PSMC1: variants seen among roughly 807,000 people sequenced by gnomAD.
PSMC1 encodes proteasome 26S subunit, ATPase 1.
Under a neutral mutation model 49.8 loss-of-function variants are expected in PSMC1, and 5 were observed. That is an observed-to-expected ratio of 0.10 (90% CI 0.05 to 0.21). The LOEUF is 0.21. Among genes scored for constraint, PSMC1 ranks in the 10% least tolerant of loss-of-function variants. PSMC1 has a pLI of 1.00. For synonymous variants in PSMC1, 155 were observed against 192.1 expected, an observed-to-expected ratio of 0.81 and a Z score of 1.60; for missense variants, 181 against 535.7, an observed-to-expected ratio of 0.34 and a Z score of 6.54.
chr14:90,258,063 G>GT (rs1014704476), intron 1 of PSMC1, among the ~76,000 whole-genome samples: 12 of 151,858 alleles, frequency 7.9e-5, no homozygotes, highest in East Asian at 1.9e-4. Context: ...AAGCCCCATC[G>GT]TTTTTTTTCT....
intron 2 of PSMC1, among the ~76,000 whole-genome samples, chr14:90,259,482 TGG>T (rs2139641579): frequency 6.6e-6 from 1 of 152,378 alleles, no homozygotes; most frequent in African/African-American, 2.4e-5. Context: ...CCTATAATTT[TGG>T]TGTCTAATAG....
At position 90,272,140 on chromosome 14, in the gene PSMC1, T is replaced by C; in HGVS notation, c.1189-133T>C. The stretch of plus-strand genomic sequence containing the variant: ...AACTCCTGACCTTAGGCGATCCACC[T>C]GCCTCGGCCTCCCAGAGTGCTGGGA... On this transcript the variant is annotated intron_variant, in intron 10 of 10. Transcript: ENST00000261303. This position sits in a 1 kb window ranked among gnomAD's most constrained non-coding sequence, Gnocchi z 4.5. 1 of 917,090 alleles carries C rather than the reference T, an allele frequency of 1.1e-6. No individual in the cohort carries two copies. The highest frequency in any genetic ancestry group is 1.6e-5 in the South Asian group (1 of 63,462). 56.8% of individuals were successfully genotyped at this position (917,090 alleles called of 1,614,324 possible). A position where few individuals can be genotyped will look rare whatever the true frequency, so the allele number is the denominator to read the frequency against.
intron 7 of PSMC1, among the ~76,000 whole-genome samples, chr14:90,266,361 C>A (rs1363377374): frequency 6.6e-6 from 1 of 152,194 alleles, no homozygotes; most frequent in Non-Finnish European, 1.5e-5. Flanking sequence ...GAAGCACAGT[C>A]ATTTGAGAGA....
intron 1 of PSMC1, among the ~76,000 whole-genome samples, chr14:90,258,190 GTCT>G (rs1340678173): frequency 4.6e-5 from 7 of 152,172 alleles, no homozygotes; most frequent in African/African-American, 1.7e-4. Context: ...CTGGGCCTTG[GTCT>G]TCTTATCTGC....
At chr14:90,268,106 C>A in intron 7 of PSMC1, 118 bp from the exon 8 acceptor site, 2 of 761,068 alleles carry the variant, frequency 2.6e-6, no homozygotes, top group Non-Finnish European at 4.1e-6. Context: ...GGTGCCATGC[C>A]TTAGCATGAG....
At chr14:90,266,685 G>A (rs1451074491) in intron 7 of PSMC1, among the ~76,000 whole-genome samples, 1 of 152,228 alleles carries the variant, frequency 6.6e-6, no homozygotes, top group Non-Finnish European at 1.5e-5. Context: ...TGTCAGAGGA[G>A]CGGGCAGCTT....
At chr14:90,258,316 G>T (rs1174323865) in intron 1 of PSMC1, among the ~76,000 whole-genome samples, 1 of 152,188 alleles carries the variant, frequency 6.6e-6, no homozygotes, top group African/African-American at 2.4e-5. Context: ...TTCAGTAATT[G>T]ATGTACTTGT....
chr14:90,262,635 T>A (rs1160241996), intron 3 of PSMC1, among the ~76,000 whole-genome samples: 2 of 151,988 alleles, frequency 1.3e-5, no homozygotes, highest in Non-Finnish European at 2.9e-5. Flanking sequence ...ATCCAAAAAG[T>A]TAGCTGGGCG....
intron 1 of PSMC1, 29 bp downstream of exon 1, chr14:90,256,629 G>A (rs1185208868): frequency 1.3e-6 from 2 of 1,582,888 alleles, no homozygotes; most frequent in Non-Finnish European, 1.7e-6. Flanking sequence ...CTTTCCGCTG[G>A]TCGTCGCGGT....
chr14:90,258,395 G>C (rs951601516), intron 1 of PSMC1, among the ~76,000 whole-genome samples: 1 of 152,214 alleles, frequency 6.6e-6, no homozygotes, highest in Non-Finnish European at 1.5e-5. Context: ...ATTTAGAAGT[G>C]CCTGTGTGGA....
intron 1 of PSMC1, among the ~76,000 whole-genome samples, chr14:90,258,798 TC>T (rs1301891280): frequency 1.3e-5 from 2 of 152,258 alleles, no homozygotes; most frequent in African/African-American, 4.8e-5. Flanking sequence ...ATAGCTTCAG[TC>T]CGGTAGTTTC....
At chr14:90,261,932 A>G (rs1293207659) in intron 3 of PSMC1, among the ~76,000 whole-genome samples, 1 of 152,032 alleles carries the variant, frequency 6.6e-6, no homozygotes, top group Non-Finnish European at 1.5e-5. Context: ...GGATGAAGAA[A>G]ATGTGGCACA....
rs530748596 is a variant in PSMC1, at chr14:90,267,133, C to CT, written c.692-1077dup. On this transcript the variant is annotated intron_variant, in intron 7 of 10. Coordinates refer to ENST00000261303, the MANE Select transcript of PSMC1 (RefSeq NM_002802.3). ...CTTTGCTGACTCTTGTTTTTCTTTT[C>CT]TTTTTTTTTTTTTTGAGACGGAGTC... Among the ~76,000 whole-genome samples the CT allele has an allele frequency of 9.6e-3, 1,373 of 142,992 alleles. 14 individuals are homozygous for CT. Among genetic ancestry groups the CT allele is most frequent in the African/African-American group, 0.025 (993 of 39,142 alleles). The allele number at this position is 142,992 out of a possible 152,430, so 93.8% of individuals were successfully genotyped here.
chr14:90,264,172 ATGAT>A lies in PSMC1; in HGVS notation c.594+10_594+13del. 6.2e-7 allele frequency: 1 copy of A among 1,612,366 alleles called. No homozygotes were observed. ...ACAACCAAATTCAGGAAATTAAGGT[ATGAT>A]TGATTGGTAACCATCTCTGGGTTTC... On this transcript the variant is annotated splice_donor_5th_base_variant and intron_variant, in intron 6 of 10. Transcript: ENST00000261303.
At chr14:90,265,676 G>A (rs576051824) in intron 7 of PSMC1, among the ~76,000 whole-genome samples, 8 of 136,222 alleles carry the variant, frequency 5.9e-5, no homozygotes, top group East Asian at 4.2e-4. Flanking sequence ...GTGACAGAGC[G>A]AGACTACATC....
At position 90,272,183 on chromosome 14, in the gene PSMC1, C is replaced by A; in HGVS notation, c.1189-90C>A. 1.4e-6 allele frequency: 2 copies of A among 1,465,412 alleles called. No individual in the cohort carries two copies. Among genetic ancestry groups the A allele is most frequent in the South Asian group, 2.5e-5 (2 of 80,144 alleles). The allele number at this position is 1,465,412 out of a possible 1,614,324, so 90.8% of individuals were successfully genotyped here. A position where few individuals can be genotyped will look rare whatever the true frequency, so the allele number is the denominator to read the frequency against. On this transcript the variant is annotated intron_variant, in intron 10 of 10. Transcript: ENST00000261303. This position sits in a 1 kb window ranked among gnomAD's most constrained non-coding sequence, Gnocchi z 4.5. ...TGCTGGGATTACAGGTGTGAGCCACCGCGCCTGGCCTCAGAATAGGTTTTT... is the reference window on the plus strand; with the variant it reads ...TGCTGGGATTACAGGTGTGAGCCACAGCGCCTGGCCTCAGAATAGGTTTTT...
chr14:90,259,090 C>A, intron 1 of PSMC1, 70 bp from the exon 2 acceptor site: 1 of 1,451,454 alleles, frequency 6.9e-7, no homozygotes, highest in Non-Finnish European at 9.6e-7. Context: ...ACTCACAGGA[C>A]AGTATAAAGT....
At chr14:90,269,127 C>G (rs563679805) in intron 8 of PSMC1, 2 of 400,058 alleles carry the variant, frequency 5.0e-6, no homozygotes, top group Non-Finnish European at 9.0e-6. Flanking sequence ...GTATAAGGCT[C>G]TGCCTCATGC....
intron 7 of PSMC1, among the ~76,000 whole-genome samples, chr14:90,267,033 A>G (rs1331963121): frequency 6.6e-6 from 1 of 151,842 alleles, no homozygotes; most frequent in Non-Finnish European, 1.5e-5. Flanking sequence ...GCACCTACCC[A>G]GCCCTTGTCA....
Sources: allele counts gnomAD v4.1 joint callset (sites outside exome capture counted in the v4.1 genomes callset), GRCh38; gene constraint gnomAD v4.1.1; non-coding constraint Gnocchi (gnomAD v3.1); transcripts MANE v1.5; gene names NCBI Gene and HGNC (gene_info 2026-07-23, HGNC 2026-07-21).